The following GALNT13 variants were observed in gnomAD, a reference collection of about 807,000 sequenced individuals.
GALNT13 encodes polypeptide N-acetylgalactosaminyltransferase 13.
In GALNT13, 28 loss-of-function variants were observed where a neutral mutation model predicts 64.2. The ratio of observed to expected loss-of-function variants is 0.44; its 90% CI spans 0.32 to 0.60. The LOEUF is 0.60. GALNT13 is among the 20% of genes least tolerant of loss of function. The pLI, the probability that GALNT13 is intolerant of heterozygous loss-of-function variation, is 0.05. For missense variants in GALNT13, 577 were observed against 669.8 expected (o/e 0.86, Z 1.53); for synonymous variants, 214 against 224.6 (o/e 0.95, Z 0.42).
At chr2:153,952,732 T>C (rs1692283398) in intron 3 of GALNT13, among the ~76,000 whole-genome samples, 1 of 151,556 alleles carries the variant, frequency 6.6e-6, no homozygotes, top group Non-Finnish European at 1.5e-5. Flanking sequence ...CAATAGGCTA[T>C]CTGCAAGCTG....
the GALNT13 span, among the ~76,000 whole-genome samples, chr2:153,231,598 G>C: frequency 1.3e-5 from 2 of 151,920 alleles, no homozygotes; most frequent in East Asian, 3.9e-4. Context: ...AACAGAATAG[G>C]GTTTTCAAAA....
At chr2:153,076,534 G>A in the GALNT13 span, among the ~76,000 whole-genome samples, 3 of 152,050 alleles carry the variant, frequency 2.0e-5, no homozygotes, top group African/African-American at 7.2e-5. Flanking sequence ...CAGTTGATAA[G>A]TTATTCACCC....
chr2:153,452,168 C>G, the GALNT13 span, among the ~76,000 whole-genome samples: 1 of 152,134 alleles, frequency 6.6e-6, no homozygotes, highest in Non-Finnish European at 1.5e-5. Flanking sequence ...AGCTTCCTTC[C>G]AACTGATGCT....
chr2:153,912,274 A>G (rs957090934), intron 2 of GALNT13, among the ~76,000 whole-genome samples: 4 of 151,860 alleles, frequency 2.6e-5, no homozygotes, highest in African/African-American at 4.8e-5. Context: ...ATGCTTTTCT[A>G]TACTGGCTAT....
chr2:154,355,211 T>C (rs1696669498), intron 9 of GALNT13, among the ~76,000 whole-genome samples: 1 of 152,070 alleles, frequency 6.6e-6, no homozygotes, highest in South Asian at 2.1e-4. Flanking sequence ...CCTGACCAAG[T>C]ACTTTTGGAT....
chr2:153,766,726 C>T, the GALNT13 span, among the ~76,000 whole-genome samples: 2 of 151,974 alleles, frequency 1.3e-5, no homozygotes, highest in Admixed American at 6.6e-5. Context: ...TTTAAAATTT[C>T]TTTATTAGTG....
intron 8 of GALNT13, among the ~76,000 whole-genome samples, chr2:154,291,346 A>T (rs1692617999): frequency 6.6e-6 from 1 of 152,092 alleles, no homozygotes; most frequent in Admixed American, 6.5e-5. Flanking sequence ...CTTTAGCTAG[A>T]CACAGAGTGC....
At chr2:153,394,953 C>A in the GALNT13 span, among the ~76,000 whole-genome samples, 2 of 152,034 alleles carry the variant, frequency 1.3e-5, no homozygotes, top group African/African-American at 4.8e-5. Flanking sequence ...AGGGAAAGAT[C>A]CGATCCCAAG....
intron 9 of GALNT13, among the ~76,000 whole-genome samples, chr2:154,335,731 C>T (rs1169895524): frequency 1.3e-5 from 2 of 151,876 alleles, no homozygotes; most frequent in Non-Finnish European, 2.9e-5. Flanking sequence ...TATCCAAACC[C>T]TCATTACTAG....
At chr2:153,524,720 T>C in the GALNT13 span, among the ~76,000 whole-genome samples, 1 of 152,290 alleles carries the variant, frequency 6.6e-6, no homozygotes, top group African/African-American at 2.4e-5. Context: ...ATAGGGGAAT[T>C]GCCAATCCCA....
chr2:154,141,090 C>G lies in GALNT13; in HGVS notation c.311+585C>G, dbSNP rs564500270. Among the ~76,000 whole-genome samples, 6 of 152,062 alleles carry G rather than the reference C, an allele frequency of 3.9e-5. No individual in the cohort carries two copies. In the South Asian group the frequency reaches 1.2e-3, roughly 32 times the overall value. ...ACATAGAAAAGGTATAGTAAAAACACGGTGTAACAGATAAAAATTTGTATA... is the reference window on the plus strand; with the variant it reads ...ACATAGAAAAGGTATAGTAAAAACAGGGTGTAACAGATAAAAATTTGTATA... On this transcript the variant is annotated intron_variant, in intron 4 of 12. Coordinates refer to ENST00000392825, the MANE Select transcript of GALNT13 (RefSeq NM_052917.4).
chr2:153,570,546 G>T, the GALNT13 span, among the ~76,000 whole-genome samples: 2 of 152,096 alleles, frequency 1.3e-5, no homozygotes, highest in African/African-American at 4.8e-5. Flanking sequence ...CAATGTCCTG[G>T]AGATATTCCC....
the GALNT13 span, among the ~76,000 whole-genome samples, chr2:153,601,895 G>A: frequency 4.6e-5 from 7 of 151,892 alleles, no homozygotes; most frequent in South Asian, 2.1e-4. Flanking sequence ...AAAATAGTGC[G>A]TTATCCCTAT....
chr2:153,625,001 C>T, the GALNT13 span, among the ~76,000 whole-genome samples: 1 of 151,732 alleles, frequency 6.6e-6, no homozygotes, highest in Admixed American at 6.6e-5. Flanking sequence ...AGACTGAGGT[C>T]AGAATAGAAT....
intron 6 of GALNT13, among the ~76,000 whole-genome samples, chr2:154,244,383 A>G (rs1398193563): frequency 2.0e-5 from 3 of 152,196 alleles, no homozygotes; most frequent in African/African-American, 7.2e-5. Context: ...CAGAGTCACC[A>G]AGAAGGTTTT....
At chr2:154,048,864 T>C (rs997329813) in intron 3 of GALNT13, among the ~76,000 whole-genome samples, 2 of 152,160 alleles carry the variant, frequency 1.3e-5, no homozygotes. Flanking sequence ...TGATGTCATA[T>C]TTCATGATTA....
the GALNT13 span, among the ~76,000 whole-genome samples, chr2:153,628,606 C>T: frequency 9.9e-5 from 15 of 152,124 alleles, no homozygotes; most frequent in Middle Eastern, 3.4e-3. Flanking sequence ...GAGATAATCA[C>T]GTGGTTTTTG....
chr2:153,263,326 C>A, the GALNT13 span, among the ~76,000 whole-genome samples: 1 of 152,078 alleles, frequency 6.6e-6, no homozygotes, highest in African/African-American at 2.4e-5. Flanking sequence ...AGTTTCCATG[C>A]TTATGGATAG....
the GALNT13 span, among the ~76,000 whole-genome samples, chr2:153,153,313 G>C: frequency 0.14 from 21,896 of 151,982 alleles, 2,555 homozygotes; most frequent in East Asian, 0.6. Flanking sequence ...TTTGTTGGGT[G>C]CCATAGTTTG....
Sources: allele counts gnomAD v4.1 joint callset (sites outside exome capture counted in the v4.1 genomes callset), GRCh38; gene constraint gnomAD v4.1.1; transcripts MANE v1.5; gene names NCBI Gene and HGNC (gene_info 2026-07-23, HGNC 2026-07-21).